The following MID1 variants were observed in gnomAD, a reference collection of about 807,000 sequenced individuals.
The protein encoded by MID1 is midline 1, also known as E3 ubiquitin-protein ligase Midline-1.
MID1 carries 7 observed loss-of-function variants against 40.4 expected under a neutral mutation model. The observed-to-expected ratio is 0.17, with a 90% confidence interval of 0.10 to 0.33. The LOEUF (loss-of-function observed/expected upper bound fraction) is 0.33, where lower values mean the gene tolerates loss of function less well. Among genes scored for constraint, MID1 ranks in the 10% least tolerant of loss-of-function variants. MID1 has a pLI of 1.00. For synonymous variants in MID1, 229 were observed against 221.2 expected (o/e 1.04, Z -0.31); for missense variants, 367 against 558.5 (o/e 0.66, Z 3.46).
Position 10,658,428 on chromosome X carries a change from TAAAAAAAAAAAAAAAAA to T in MID1, c.-186-38026_-186-38010del, listed in dbSNP as rs35116185. On this transcript the variant is annotated intron_variant, in intron 1 of 10. Transcript: ENST00000380785. ...CATTAAAATGGCAGTCCTTCAACTG[TAAAAAAAAAAAAAAAAA>T]AAAAAAAAAAAAAAAAAAAGCCTTG... Among the ~76,000 whole-genome samples, 12 of 5,577 alleles carry T rather than the reference TAAAAAAAAAAAAAAAAA, an allele frequency of 2.2e-3. No homozygotes were observed. In the South Asian group the frequency reaches 0.022, roughly 10 times the overall value. 4.8% of individuals were successfully genotyped at this position (5,577 alleles called of 115,157 possible).
chrX:10,616,323 T>C (rs756239677), intron 1 of MID1, among the ~76,000 whole-genome samples: 20 of 112,733 alleles, frequency 1.8e-4, no homozygotes, highest in Non-Finnish European at 3.2e-4. Flanking sequence ...ATAATTAAAT[T>C]ACGTCTGCAA....
At chrX:10,752,799 CT>C (rs747319147) in intron 1 of MID1, among the ~76,000 whole-genome samples, 3 of 112,071 alleles carry the variant, frequency 2.7e-5, no homozygotes, top group Non-Finnish European at 5.6e-5. Flanking sequence ...TAAAAAAATT[CT>C]TGAAATGACT....
intron 8 of MID1, among the ~76,000 whole-genome samples, chrX:10,459,134 GACAAC>G (rs1461133433): frequency 3.6e-5 from 4 of 110,690 alleles, no homozygotes; most frequent in Non-Finnish European, 7.6e-5. Context: ...CCTCAGATGT[GACAAC>G]TAAAAACCTC....
chrX:10,569,788 C>T (rs913652732), intron 1 of MID1, among the ~76,000 whole-genome samples: 3 of 111,647 alleles, frequency 2.7e-5, no homozygotes, highest in African/African-American at 9.8e-5. Context: ...AGTGGAAATA[C>T]TGACATTTTA....
intron 1 of MID1, among the ~76,000 whole-genome samples, chrX:10,772,323 C>T (rs1217348953): frequency 9.0e-6 from 1 of 110,799 alleles, no homozygotes; most frequent in Non-Finnish European, 1.9e-5. Context: ...GAAAACCAAA[C>T]ATTGTATGCT....
At chrX:10,509,993 T>C (rs774792606) in intron 3 of MID1, among the ~76,000 whole-genome samples, 2 of 112,264 alleles carry the variant, frequency 1.8e-5, no homozygotes, top group Non-Finnish European at 3.8e-5. Context: ...ATGTCAACAA[T>C]TCACTATGTA....
chrX:10,616,821 A>C (rs1228804462), intron 1 of MID1, among the ~76,000 whole-genome samples: 1 of 113,053 alleles, frequency 8.8e-6, no homozygotes, highest in Non-Finnish European at 1.9e-5. Flanking sequence ...TATGTTGAAG[A>C]CACTGAGCTC....
At chrX:10,679,979 G>C (rs2043048300) in intron 1 of MID1, among the ~76,000 whole-genome samples, 2 of 112,278 alleles carry the variant, frequency 1.8e-5, no homozygotes, top group South Asian at 7.4e-4. Flanking sequence ...CACGTAATTA[G>C]TAAAGAATTA....
chrX:10,812,972 T>C (rs2044112241), intron 1 of MID1, among the ~76,000 whole-genome samples: 1 of 111,467 alleles, frequency 9.0e-6, no homozygotes, highest in East Asian at 2.8e-4. Flanking sequence ...AATTGGCCTA[T>C]TCTCGGAGAC....
intron 1 of MID1, among the ~76,000 whole-genome samples, chrX:10,637,157 A>G (rs111481106): frequency 1.8e-5 from 2 of 110,018 alleles, no homozygotes; most frequent in African/African-American, 6.6e-5. Context: ...CCTTTCTATG[A>G]GCATATCACA....
At chrX:10,473,775 C>T (rs1423217605) in intron 6 of MID1, among the ~76,000 whole-genome samples, 1 of 112,229 alleles carries the variant, frequency 8.9e-6, no homozygotes, top group African/African-American at 3.2e-5. Flanking sequence ...TTGGCTAACA[C>T]GAATAAGGTT....
chrX:10,728,329 A>G (rs946070434), intron 1 of MID1, among the ~76,000 whole-genome samples: 1 of 111,595 alleles, frequency 9.0e-6, no homozygotes, highest in African/African-American at 3.3e-5. Context: ...GCAGGAGCTC[A>G]TCTTCATCTC....
intron 2 of MID1, among the ~76,000 whole-genome samples, chrX:10,547,455 C>T (rs1441649563): frequency 1.9e-5 from 2 of 106,730 alleles, no homozygotes; most frequent in Non-Finnish European, 3.9e-5. Context: ...GCCTGTAATC[C>T]TAGCTACTCG....
chrX:10,589,353 C>G (rs367976432), intron 1 of MID1, among the ~76,000 whole-genome samples: 1 of 110,573 alleles, frequency 9.0e-6, no homozygotes, highest in East Asian at 2.9e-4. Flanking sequence ...TCCTGTGAAG[C>G]AATTCAAACC....
intron 1 of MID1, among the ~76,000 whole-genome samples, chrX:10,708,062 T>C (rs1303237031): frequency 8.9e-6 from 1 of 112,565 alleles, no homozygotes; most frequent in African/African-American, 3.2e-5. Context: ...ACCTTACTAT[T>C]GTATAAAGAG....
chrX:10,731,697 C>G (rs1047058532), intron 1 of MID1, among the ~76,000 whole-genome samples: 6 of 111,043 alleles, frequency 5.4e-5, no homozygotes, highest in Non-Finnish European at 1.9e-5. Flanking sequence ...GTGGCTCATG[C>G]CTGTAATCCT....
chrX:10,687,790 T>C (rs775296518), intron 1 of MID1, among the ~76,000 whole-genome samples: 2 of 112,038 alleles, frequency 1.8e-5, no homozygotes, highest in East Asian at 5.6e-4. Flanking sequence ...CATGGCTTGC[T>C]GCAGCCTTGA....
At chrX:10,493,431 T>C (rs1219521540) in intron 4 of MID1, among the ~76,000 whole-genome samples, 1 of 112,078 alleles carries the variant, frequency 8.9e-6, no homozygotes, top group Non-Finnish European at 1.9e-5. Context: ...TTTTTGGATT[T>C]CCGAATTTCA....
intron 1 of MID1, among the ~76,000 whole-genome samples, chrX:10,602,072 T>C (rs1270877841): frequency 9.2e-6 from 1 of 108,185 alleles, no homozygotes; most frequent in Non-Finnish European, 1.9e-5. Context: ...TAATTTTTTG[T>C]ATTTTTAGTA....
Sources: allele counts gnomAD v4.1 joint callset (sites outside exome capture counted in the v4.1 genomes callset), GRCh38; gene constraint gnomAD v4.1.1; transcripts MANE v1.5; gene names NCBI Gene and HGNC (gene_info 2026-07-23, HGNC 2026-07-21).